The following INTS10 variants were observed in gnomAD, a reference collection of about 807,000 sequenced individuals.
INTS10 encodes integrator complex subunit 10.
Under a neutral mutation model 94.4 loss-of-function variants are expected in INTS10, and 44 were observed. That is an observed-to-expected ratio of 0.47 (90% confidence interval 0.37 to 0.60). The LOEUF (loss-of-function observed/expected upper bound fraction) is 0.60, where lower values mean the gene tolerates loss of function less well. INTS10 is among the 20% of genes least tolerant of loss of function. The pLI is 0.00. For synonymous variants in INTS10, 341 were observed against 320.7 expected, an observed-to-expected ratio of 1.06 and a Z score of -0.68; for missense variants, 797 against 868.7, an observed-to-expected ratio of 0.92 and a Z score of 1.04.
At chr8:19,847,092 G>T (rs902404164) in intron 16 of INTS10, among the ~76,000 whole-genome samples, 18 of 152,158 alleles carry the variant, frequency 1.2e-4, no homozygotes, top group African/African-American at 4.1e-4. Flanking sequence ...TGTAACCTCA[G>T]TAGTTTGCTG....
intron 10 of INTS10, among the ~76,000 whole-genome samples, chr8:19,831,437 G>C (rs538055531): frequency 6.6e-6 from 1 of 152,294 alleles, no homozygotes; most frequent in South Asian, 2.1e-4. Context: ...TGTAATCCCA[G>C]TGCTTTGGGA....
intron 13 of INTS10, among the ~76,000 whole-genome samples, chr8:19,838,144 C>T (rs959563575): frequency 3.6e-4 from 55 of 152,134 alleles, no homozygotes; most frequent in African/African-American, 8.9e-4. Flanking sequence ...TCGTTTGAGC[C>T]TAGAAGTTCG....
chr8:19,833,435 G>A, intron 12 of INTS10, 114 bp downstream of exon 12: 1 of 734,764 alleles, frequency 1.4e-6, no homozygotes, highest in Non-Finnish European at 1.9e-6. Flanking sequence ...TGATCTTTCT[G>A]CCTAGATTTA....
In INTS10 at chr8:19,846,296, G is replaced by C. The variant is rs1376063319; in HGVS notation, c.1976+499G>C. Among the ~76,000 whole-genome samples, 1 of 151,880 alleles carries C rather than the reference G, an allele frequency of 6.6e-6. No homozygotes were observed. The highest frequency in any genetic ancestry group is 2.4e-5 in the African/African-American group (1 of 41,376). ...AAAAAAAAAAAAATTATGTGGGCAT[G>C]ATAGTGGGCACCTGTAATCCCAGCT... On this transcript the variant is annotated intron_variant, in intron 16 of 16. Transcript: ENST00000397977. The surrounding 1 kb of genome is among the most constrained non-coding windows in gnomAD (Gnocchi z 4.2).
At chr8:19,839,747 T>C (rs2067971020) in intron 13 of INTS10, among the ~76,000 whole-genome samples, 1 of 151,788 alleles carries the variant, frequency 6.6e-6, no homozygotes, top group Non-Finnish European at 1.5e-5. Flanking sequence ...TTTGGCTATG[T>C]AGAAAACTTG....
chr8:19,834,006 C>CAAA (rs11428734), intron 12 of INTS10, among the ~76,000 whole-genome samples: 29 of 110,396 alleles, frequency 2.6e-4, no homozygotes, highest in African/African-American at 4.6e-4. Context: ...GACTCTGTCT[C>CAAA]AAAAAAAAAA....
intron 14 of INTS10, 33 bp downstream of exon 14, chr8:19,842,960 T>C: frequency 7.3e-7 from 1 of 1,362,940 alleles, no homozygotes; most frequent in Middle Eastern, 1.8e-4. Flanking sequence ...TGAAAAAAAA[T>C]GTAATTTCAA....
intron 11 of INTS10, among the ~76,000 whole-genome samples, chr8:19,832,657 T>A (rs926471394): frequency 1.3e-5 from 2 of 152,312 alleles, no homozygotes; most frequent in East Asian, 3.9e-4. Context: ...TCTGTAAAAG[T>A]AAGATTTTTA....
chr8:19,840,901 G>C (rs914733267), intron 13 of INTS10, among the ~76,000 whole-genome samples: 5 of 152,152 alleles, frequency 3.3e-5, no homozygotes, highest in Non-Finnish European at 7.3e-5. Flanking sequence ...CATATAATTA[G>C]GTAATGACAT....
Position 19,841,463 on chromosome 8 carries a change from T to C in INTS10, c.1640-1385T>C, listed in dbSNP as rs865835263. Among the ~76,000 whole-genome samples, 45 of 152,158 alleles carry C rather than the reference T, an allele frequency of 3.0e-4. 1 individual carries two copies. Among genetic ancestry groups the C allele is most frequent in the Middle Eastern group, 6.8e-3 (2 of 294 alleles). On this transcript the variant is annotated intron_variant, in intron 13 of 16. Transcript: ENST00000397977. ...TTTTGAAAGAGCTCCTTCAGACCAA[T>C]AGGAAGCAATTATCCAATCCCCATA...
chr8:19,820,427 A>C lies in INTS10; in HGVS notation c.350A>C (p.Lys117Thr). The C allele has an allele frequency of 6.2e-7, 1 of 1,613,642 alleles. No homozygotes were observed. Among genetic ancestry groups the C allele is most frequent in the Non-Finnish European group, 8.5e-7 (1 of 1,179,568 alleles). ...CGGGTCCAGTGTGAAATGTTACTAA[A>C]GGTCACGGAACAATGCTTCAACACG... Reference protein sequence around the residue: ...PGRVQCEMLLKVTEQCFNTLE... With the variant: ...PGRVQCEMLLTVTEQCFNTLE... Residue 117 changes from lysine (K) to threonine (T), a missense_variant, in exon 4 of 17, where the codon AAG (lysine) becomes ACG (threonine). Lys to Thr is a moderately conservative substitution (Grantham distance 78). Around this residue, in one of 3 missense-constraint regions of INTS10, gnomAD observed 734 missense variants for 787.8 expected, o/e 0.93. Coordinates refer to ENST00000397977, the MANE Select transcript of INTS10 (RefSeq NM_018142.4).
chr8:19,830,337 A>C, intron 9 of INTS10, 69 bp from the exon 10 acceptor site: 6 of 1,370,258 alleles, frequency 4.4e-6, no homozygotes, highest in Non-Finnish European at 5.9e-6. Flanking sequence ...AACTGGCAGC[A>C]ATAATATGTT....
At chr8:19,819,019 G>C (rs776518899) in intron 2 of INTS10, 4 of 152,422 alleles carry the variant, frequency 2.6e-5, no homozygotes, top group Non-Finnish European at 5.9e-5. Flanking sequence ...ATGCGCATTT[G>C]AAAATTTGAT....
In INTS10 at chr8:19,828,287, G is replaced by C. The variant is rs186962165; in HGVS notation, c.1140+1728G>C. 2.6e-4 allele frequency among the ~76,000 whole-genome samples: 40 copies of C among 152,112 alleles called. 1 individual carries two copies. In the Middle Eastern group the frequency reaches 0.034, roughly 129 times the overall value. ...ATTTCTGACTTCCTTTTTGTAATTA[G>C]GATATCTGATCACACTGGCCCCTGG... On this transcript the variant is annotated intron_variant, in intron 9 of 16. Coordinates refer to ENST00000397977, the MANE Select transcript of INTS10 (RefSeq NM_018142.4).
chr8:19,832,161 G>T, intron 11 of INTS10, 51 bp downstream of exon 11: 1 of 999,450 alleles, frequency 1.0e-6, no homozygotes, highest in African/African-American at 1.6e-5. Context: ...GCATGGCTAT[G>T]GTGGCAAACC....
chr8:19,818,063 T>C, intron 1 of INTS10: 1 of 604,662 alleles, frequency 1.7e-6, no homozygotes, highest in South Asian at 1.9e-5. Flanking sequence ...AATATTATCC[T>C]ACTTAATCCT....
In INTS10 at chr8:19,834,875, G is replaced by A. The variant is rs115243192; in HGVS notation, c.1530+1554G>A. On this transcript the variant is annotated intron_variant, in intron 12 of 16. Transcript: ENST00000397977. ...CAAGGTGAAGGCATCAGCAGATTCA[G>A]TGTCTGGTGAGGTCCTGCTTCCCGG... 5.9e-3 allele frequency among the ~76,000 whole-genome samples: 906 copies of A among 152,284 alleles called. 8 individuals are homozygous for A. Among genetic ancestry groups the A allele is most frequent in the African/African-American group, 0.02 (843 of 41,554 alleles).
intron 4 of INTS10, 40 bp downstream of exon 4, chr8:19,820,558 A>G (rs770913886): frequency 1.3e-6 from 2 of 1,574,984 alleles, no homozygotes; most frequent in Admixed American, 1.7e-5. Context: ...TATAAAATAC[A>G]ATGGGTCATC....
Position 19,820,503 on chromosome 8 carries a change from G to C in INTS10, c.426G>C (p.Thr142=), listed in dbSNP as rs563571950. ...LLLLLRRFPE[T]VVQHGVGLGE... ...TACTTTTGAGGCGCTTCCCTGAAAC[G>C]GTGGTGCAGCATGGGGTGAGATTTG... The change falls in exon 4 of 17, where the codon ACG becomes ACC. Residue 142 remains threonine (T), a synonymous_variant. Transcript: ENST00000397977. 1 of 1,612,366 alleles carries C rather than the reference G, an allele frequency of 6.2e-7. No individual in the cohort carries two copies. The highest frequency in any genetic ancestry group is 8.5e-7 in the Non-Finnish European group (1 of 1,178,702).
Sources: gnomAD v4.1 joint callset for allele counts (sites outside exome capture counted in the v4.1 genomes callset) on GRCh38, gnomAD v4.1.1 for gene constraint, gnomAD v4.1.1 regional missense constraint, Gnocchi (gnomAD v3.1) non-coding constraint, MANE v1.5 for transcripts, NCBI Gene and HGNC (gene_info 2026-07-23, HGNC 2026-07-21) for gene names.